Variants in CIMAP3 observed in about 807,000 individuals in gnomAD.
CIMAP3 encodes ciliary microtubule associated protein 3, also known as ciliary microtubule-associated protein 3.
the CIMAP3 span, among the ~76,000 whole-genome samples, chr1:111,337,566 G>A: frequency 3.9e-4 from 60 of 152,094 alleles, no homozygotes; most frequent in African/African-American, 1.4e-3. Context: ...TGATAAAACA[G>A]ACTTTAAACC....
At chr1:111,335,579 A>G in the CIMAP3 span, among the ~76,000 whole-genome samples, 2 of 152,360 alleles carry the variant, frequency 1.3e-5, no homozygotes, top group African/African-American at 4.8e-5. Context: ...TCCTACGCCC[A>G]CGGAATCTCG....
chr1:111,351,899 A>G, the CIMAP3 span: 1 of 152,300 alleles, frequency 6.6e-6, no homozygotes. Flanking sequence ...GTGAGTCAAC[A>G]TATATACTGA....
chr1:111,347,632 T>TTTTTTTTTGTG, the CIMAP3 span: 1 of 1,199,732 alleles, frequency 8.3e-7, no homozygotes, highest in Non-Finnish European at 1.2e-6. Flanking sequence ...CTTTTTTTTT[T>TTTTTTTTTGTG]TTTTTGGTGT....
At chr1:111,332,383 G>T in the CIMAP3 span, among the ~76,000 whole-genome samples, 2 of 152,202 alleles carry the variant, frequency 1.3e-5, no homozygotes, top group African/African-American at 2.4e-5. Context: ...CTGGATTGTG[G>T]TCATATGGCT....
chr1:111,328,216 T>A, the CIMAP3 span, among the ~76,000 whole-genome samples: 1 of 152,300 alleles, frequency 6.6e-6, no homozygotes, highest in South Asian at 2.1e-4. Flanking sequence ...TAAGAGTGTG[T>A]TTGGTATGAT....
chr1:111,347,083 T>C, the CIMAP3 span: 1 of 1,551,320 alleles, frequency 6.4e-7, no homozygotes. Context: ...TGCTCCTCAG[T>C]TCCCCGGCTA....
chr1:111,350,084 A>G, the CIMAP3 span: 1 of 1,576,752 alleles, frequency 6.3e-7, no homozygotes, highest in Non-Finnish European at 8.7e-7. Flanking sequence ...ATTAGACATG[A>G]TGCTTGTATT....
chr1:111,328,653 G>A, the CIMAP3 span, among the ~76,000 whole-genome samples: 2 of 152,056 alleles, frequency 1.3e-5, no homozygotes, highest in African/African-American at 4.8e-5. Flanking sequence ...CTGTTTTGTT[G>A]GAAATTAAGA....
At chr1:111,346,923 C>T in the CIMAP3 span, 1 of 1,613,928 alleles carries the variant, frequency 6.2e-7, no homozygotes, top group Non-Finnish European at 8.5e-7. Flanking sequence ...CTGCGGATAA[C>T]TACCCTTTTG....
the CIMAP3 span, among the ~76,000 whole-genome samples, chr1:111,329,211 G>A: frequency 6.6e-6 from 1 of 152,008 alleles, no homozygotes; most frequent in Non-Finnish European, 1.5e-5. Flanking sequence ...CAGCGGAGAG[G>A]TCACCTGTTA....
At chr1:111,332,738 C>T in the CIMAP3 span, among the ~76,000 whole-genome samples, 20 of 152,042 alleles carry the variant, frequency 1.3e-4, no homozygotes, top group Admixed American at 5.9e-4. Flanking sequence ...GGGCCTAGGA[C>T]AATGGTGCAT....
At chr1:111,347,847 G>A in the CIMAP3 span, 1 of 1,048,390 alleles carries the variant, frequency 9.5e-7, no homozygotes. Context: ...CAGAGAGCAA[G>A]AGGGGGGTGA....
chr1:111,333,983 T>C, the CIMAP3 span, among the ~76,000 whole-genome samples: 1 of 152,206 alleles, frequency 6.6e-6, no homozygotes, highest in Non-Finnish European at 1.5e-5. Context: ...TATGTGACTA[T>C]ATTAGTATAG....
chr1:111,342,561 G>T, the CIMAP3 span, among the ~76,000 whole-genome samples: 1 of 152,210 alleles, frequency 6.6e-6, no homozygotes, highest in Non-Finnish European at 1.5e-5. Flanking sequence ...CTGCTGAACA[G>T]CCACTCTGAT....
chr1:111,337,752 C>T, the CIMAP3 span, among the ~76,000 whole-genome samples: 2 of 152,174 alleles, frequency 1.3e-5, no homozygotes. Context: ...TAATGGGAGA[C>T]TTTAACACCC....
At chr1:111,346,948 A>T in the CIMAP3 span, 2 of 1,613,904 alleles carry the variant, frequency 1.2e-6, no homozygotes, top group South Asian at 2.2e-5. Context: ...ATGTCAACAG[A>T]GGAAACTTTT....
the CIMAP3 span, among the ~76,000 whole-genome samples, chr1:111,350,691 G>A: frequency 6.6e-6 from 1 of 152,242 alleles, no homozygotes; most frequent in Admixed American, 6.5e-5. Context: ...ACTAGCTGCA[G>A]TATTTACTTG....
the CIMAP3 span, among the ~76,000 whole-genome samples, chr1:111,343,762 G>C: frequency 6.6e-6 from 1 of 152,222 alleles, no homozygotes; most frequent in Non-Finnish European, 1.5e-5. Flanking sequence ...TCAGGATGTA[G>C]ATGGGCCCAG....
At chr1:111,347,641 G>GTTTTT in the CIMAP3 span, 4 of 1,071,192 alleles carry the variant, frequency 3.7e-6, no homozygotes, top group East Asian at 5.3e-5. Flanking sequence ...TTTTTTTGGT[G>GTTTTT]TTTTTGTTTG....
Sources: gnomAD v4.1 joint callset for allele counts (sites outside exome capture counted in the v4.1 genomes callset) on GRCh38, gnomAD v4.1.1 for gene constraint, MANE v1.5 for transcripts, NCBI Gene and HGNC (gene_info 2026-07-23, HGNC 2026-07-21) for gene names.